The following ITPRIP variants were observed in gnomAD, a reference collection of about 807,000 sequenced individuals.
ITPRIP encodes inositol 1,4,5-trisphosphate receptor interacting protein.
ITPRIP carries 32 observed loss-of-function variants against 35.8 expected under a neutral mutation model. The ratio of observed to expected loss-of-function variants is 0.89; its 90% confidence interval spans 0.68 to 1.20. The LOEUF is 1.20. Among genes scored for constraint, ITPRIP ranks in the 50% most tolerant of loss-of-function variants. ITPRIP has a pLI of 0.00. For missense variants in ITPRIP, 653 were observed against 735.6 expected, an observed-to-expected ratio of 0.89 and a Z score of 1.30; for synonymous variants, 358 against 324.0, an observed-to-expected ratio of 1.11 and a Z score of -1.13.
chr10:104,313,771 C>T lies in ITPRIP; in HGVS notation c.*637G>A, dbSNP rs904240618. 44 of 985,430 alleles carry T rather than the reference C, an allele frequency of 4.5e-5. No homozygotes were observed. Among genetic ancestry groups the T allele is most frequent in the Non-Finnish European group, 5.2e-5 (43 of 830,026 alleles). 61.0% of individuals were successfully genotyped at this position (985,430 alleles called of 1,614,324 possible). Reference sequence around the variant, plus strand: ...TGGCTAATTGTGTTTCTCTATGCCACCAAGTACCCATTTCCGTGTGACAGA... The same window carrying T: ...TGGCTAATTGTGTTTCTCTATGCCATCAAGTACCCATTTCCGTGTGACAGA... On this transcript the variant is annotated 3_prime_UTR_variant, in exon 2 of 2. Coordinates refer to ENST00000337478, the MANE Select transcript of ITPRIP (RefSeq NM_001272013.2).
At chr10:104,337,813 A>G (rs1046999712) in intron 1 of ITPRIP, among the ~76,000 whole-genome samples, 1 of 151,988 alleles carries the variant, frequency 6.6e-6, no homozygotes, top group African/African-American at 2.4e-5. Flanking sequence ...GGGGAAGGGG[A>G]AAAGGGGGCA....
Position 104,313,646 on chromosome 10 carries a change from C to G in ITPRIP, c.*762G>C. On this transcript the variant is annotated 3_prime_UTR_variant, in exon 2 of 2. Transcript: ENST00000337478. ...GGCACCCAGTGTGGCAAATACCCAC[C>G]ACGCTCGGGACCCAGTACGTTGGGG... 2.0e-6 allele frequency: 2 copies of G among 985,486 alleles called. No homozygotes were observed. The highest frequency in any genetic ancestry group is 9.4e-5 in the South Asian group (2 of 21,288). The allele number at this position is 985,486 out of a possible 1,614,324, so 61.0% of individuals were successfully genotyped here.
intron 1 of ITPRIP, among the ~76,000 whole-genome samples, chr10:104,330,742 A>G (rs2014131901): frequency 6.6e-6 from 1 of 152,220 alleles, no homozygotes; most frequent in African/African-American, 2.4e-5. Context: ...CTTTACATGT[A>G]TCATTCTCAC....
chr10:104,328,691 C>G lies in ITPRIP; in HGVS notation c.-14+9555G>C, dbSNP rs1188262645. 6.6e-6 allele frequency among the ~76,000 whole-genome samples: 1 copy of G among 151,938 alleles called. No homozygotes were observed. Among genetic ancestry groups the G allele is most frequent in the East Asian group, 1.9e-4 (1 of 5,178 alleles). On this transcript the variant is annotated intron_variant, in intron 1 of 1. Coordinates refer to ENST00000337478, the MANE Select transcript of ITPRIP (RefSeq NM_001272013.2). This position sits in a 1 kb window ranked among gnomAD's most constrained non-coding sequence, Gnocchi z 4.1. ...AGGATGGATGGAATTAAATAAAGGG[C>G]CAGCACCCAGCAGCCACCTTCTGTT... is the stretch of plus-strand genomic sequence containing the variant.
intron 1 of ITPRIP, among the ~76,000 whole-genome samples, chr10:104,327,997 C>A (rs1409736544): frequency 6.6e-6 from 1 of 152,190 alleles, no homozygotes. Flanking sequence ...TTGCATTCCC[C>A]AGAGCAACTG....
At chr10:104,331,152 G>A (rs993551436) in intron 1 of ITPRIP, among the ~76,000 whole-genome samples, 5 of 152,234 alleles carry the variant, frequency 3.3e-5, no homozygotes, top group Admixed American at 2.6e-4. Context: ...CTTGACACTG[G>A]CAGGTAGGCA....
intron 1 of ITPRIP, among the ~76,000 whole-genome samples, chr10:104,317,403 A>G (rs1389957445): frequency 6.6e-6 from 1 of 152,196 alleles, no homozygotes; most frequent in Non-Finnish European, 1.5e-5. Context: ...TTAGAAATGC[A>G]GAATCTCGGC....
Position 104,315,212 on chromosome 10 carries a change from G to A in ITPRIP, c.840C>T (p.Cys280=), listed in dbSNP as rs752633716. ...CACACAGCAGGTTCTCCATGTCGCC[G>A]CAGGGAGGCGCCATGCTGTTCCTGC... is the stretch of plus-strand genomic sequence containing the variant. ...LHGRNSMAPP[C]GDMENLLCAT... is the part of the protein sequence containing the mutation. The change falls in exon 2 of 2, where the codon TGC becomes TGT. Residue 280 remains cysteine (C), a synonymous_variant. Transcript: ENST00000337478. This position sits in a 1 kb window ranked among gnomAD's most constrained non-coding sequence, Gnocchi z 5.7. The A allele has an allele frequency of 2.0e-5, 32 of 1,613,946 alleles. No homozygotes were observed. Among genetic ancestry groups the A allele is most frequent in the Middle Eastern group, 1.7e-4 (1 of 6,060 alleles).
chr10:104,334,056 G>A (rs1304801600), intron 1 of ITPRIP, among the ~76,000 whole-genome samples: 3 of 152,074 alleles, frequency 2.0e-5, no homozygotes, highest in Non-Finnish European at 4.4e-5. Flanking sequence ...CCCAACTACT[G>A]AGAACGCCCA....
In ITPRIP at chr10:104,327,406, T is replaced by C. The variant is rs1312575922; in HGVS notation, c.-14+10840A>G. Among the ~76,000 whole-genome samples, 9 of 152,182 alleles carry C rather than the reference T, an allele frequency of 5.9e-5. No individual in the cohort carries two copies. The East Asian group carries it at 1.7e-3, about 30-fold the overall frequency. Reference sequence around the variant, plus strand: ...AGCCTCAGAGGACCTCTTGGTTCCCTCTCTGCCTGGCCCGGCCACTTCAGA... The same window carrying C: ...AGCCTCAGAGGACCTCTTGGTTCCCCCTCTGCCTGGCCCGGCCACTTCAGA... On this transcript the variant is annotated intron_variant, in intron 1 of 1. Transcript: ENST00000337478.
intron 1 of ITPRIP, among the ~76,000 whole-genome samples, chr10:104,337,481 G>A (rs2014259910): frequency 6.6e-6 from 1 of 152,234 alleles, no homozygotes; most frequent in African/African-American, 2.4e-5. Flanking sequence ...CTTCCTGGTC[G>A]GTGGCTTTTT....
rs377032318 is a variant in ITPRIP, at chr10:104,314,615, G to A, written c.1437C>T (p.Ile479=). 87 of 1,614,154 alleles carry A rather than the reference G, an allele frequency of 5.4e-5. No homozygotes were observed. Among genetic ancestry groups the A allele is most frequent in the South Asian group, 4.1e-4 (37 of 91,088 alleles). ...LLQKKLHHFF[I]GNRKVPEAMG... is the part of the protein sequence containing the mutation. ...TGGCCTCAGGCACCTTGCGGTTGCC[G>A]ATGAAGAAGTGGTGGAGCTTCTTCT... is the stretch of plus-strand genomic sequence containing the variant. Residue 479 remains isoleucine, a synonymous_variant, in exon 2 of 2, where the codon ATC becomes ATT. Transcript: ENST00000337478.
intron 1 of ITPRIP, among the ~76,000 whole-genome samples, chr10:104,338,023 A>G (rs2014272634): frequency 5.3e-5 from 8 of 152,128 alleles, no homozygotes; most frequent in Admixed American, 5.2e-4. Flanking sequence ...CGGCGGGAAC[A>G]GGATGCGGGA....
chr10:104,314,818 C>T lies in ITPRIP; in HGVS notation c.1234G>A (p.Ala412Thr). The stretch of plus-strand genomic sequence containing the variant: ...CTCTGCTTGGAGAGCAGGAAGGATG[C>T]TATCTGCAGGCAGCTGAGGTGGCAG... ...GACHLSCLQI[A>T]SFLLSKQSRL... The change falls in exon 2 of 2, where the codon GCA becomes ACA. Residue 412 changes from alanine to threonine, a missense_variant. Coordinates refer to ENST00000337478, the MANE Select transcript of ITPRIP (RefSeq NM_001272013.2). The T allele has an allele frequency of 1.2e-6, 2 of 1,613,934 alleles. No individual in the cohort carries two copies. Among genetic ancestry groups the T allele is most frequent in the East Asian group, 2.2e-5 (1 of 44,866 alleles).
intron 1 of ITPRIP, among the ~76,000 whole-genome samples, chr10:104,325,753 C>T (rs568322763): frequency 3.5e-4 from 54 of 152,292 alleles, no homozygotes; most frequent in African/African-American, 1.3e-3. Context: ...AGCAGAGGCT[C>T]GCCTAAGCAA....
intron 1 of ITPRIP, among the ~76,000 whole-genome samples, chr10:104,320,393 C>T (rs1362605775): frequency 6.6e-6 from 1 of 152,142 alleles, no homozygotes; most frequent in Non-Finnish European, 1.5e-5. Context: ...TAACTTAACT[C>T]GTTCAACCAA....
chr10:104,335,558 TC>T (rs2014219163), intron 1 of ITPRIP, among the ~76,000 whole-genome samples: 1 of 152,148 alleles, frequency 6.6e-6, no homozygotes, highest in Non-Finnish European at 1.5e-5. Context: ...GTCACTTGAT[TC>T]TTGGGCCAGG....
In ITPRIP at chr10:104,328,310, C is replaced by G. The variant is rs1356476830; in HGVS notation, c.-14+9936G>C. ...ATTTCCCCTAGCCCTGTGGCCGCAT[C>G]TCACCCACAAGGGTGCTGGTTTGGA... On this transcript the variant is annotated intron_variant, in intron 1 of 1. Transcript: ENST00000337478. This position sits in a 1 kb window ranked among gnomAD's most constrained non-coding sequence, Gnocchi z 4.1. 2 of 985,166 alleles carry G rather than the reference C, an allele frequency of 2.0e-6. No homozygotes were observed. Among genetic ancestry groups the G allele is most frequent in the Non-Finnish European group, 2.4e-6 (2 of 829,826 alleles). 61.0% of individuals were successfully genotyped at this position (985,166 alleles called of 1,614,324 possible). A position where few individuals can be genotyped will look rare whatever the true frequency, so the allele number is the denominator to read the frequency against.
chr10:104,321,835 G>T (rs910908782), intron 1 of ITPRIP, among the ~76,000 whole-genome samples: 1 of 151,970 alleles, frequency 6.6e-6, no homozygotes, highest in African/African-American at 2.4e-5. Flanking sequence ...CCATAGCTGG[G>T]CTGAGATTCA....
Sources: gnomAD v4.1 joint callset for allele counts (sites outside exome capture counted in the v4.1 genomes callset) on GRCh38, gnomAD v4.1.1 for gene constraint, Gnocchi (gnomAD v3.1) non-coding constraint, MANE v1.5 for transcripts, NCBI Gene and HGNC (gene_info 2026-07-23, HGNC 2026-07-21) for gene names.